Variants in TBC1D22B observed in about 807,000 individuals in gnomAD.
The protein encoded by TBC1D22B is chromosome 6 open reading frame 197.
Under a neutral mutation model 69.1 loss-of-function variants are expected in TBC1D22B, and 32 were observed. The ratio of observed to expected loss-of-function variants is 0.46; its 90% CI spans 0.35 to 0.62. The LOEUF is 0.62. TBC1D22B is among the 20% of genes least tolerant of loss of function. The pLI is 0.00. For synonymous variants in TBC1D22B, 206 were observed against 229.8 expected, an observed-to-expected ratio of 0.90 and a Z score of 0.94; for missense variants, 462 against 630.9, an observed-to-expected ratio of 0.73 and a Z score of 2.87.
chr6:37,281,445 C>A (rs1425975695), intron 3 of TBC1D22B, among the ~76,000 whole-genome samples: 1 of 152,184 alleles, frequency 6.6e-6, no homozygotes, highest in Non-Finnish European at 1.5e-5. Context: ...TTATTTCAGT[C>A]ATATCTTGGC....
intron 8 of TBC1D22B, among the ~76,000 whole-genome samples, chr6:37,303,825 C>T (rs1188693817): frequency 9.9e-5 from 15 of 152,174 alleles, no homozygotes; most frequent in Admixed American, 9.2e-4. Context: ...GTCCCCCTGA[C>T]CCCCGGCATC....
chr6:37,310,216 A>G (rs1265569747), intron 8 of TBC1D22B, among the ~76,000 whole-genome samples: 3 of 148,694 alleles, frequency 2.0e-5, no homozygotes, highest in African/African-American at 4.9e-5. Flanking sequence ...ACAAATATGT[A>G]TATATACTTA....
chr6:37,279,300 G>C lies in TBC1D22B; in HGVS notation c.114-4G>C. 6.3e-7 allele frequency: 1 copy of C among 1,589,458 alleles called. No homozygotes were observed. The highest frequency in any genetic ancestry group is 8.6e-7 in the Non-Finnish European group (1 of 1,167,684). On this transcript the variant is annotated splice_polypyrimidine_tract_variant and splice_region_variant and intron_variant, in intron 2 of 12. Transcript: ENST00000373491. ...CCTTGGTAATCGTGTCTCCTTTCTTGAAGTTTCATTAAAGAACGATCAAAA... is the reference window on the plus strand; with the variant it reads ...CCTTGGTAATCGTGTCTCCTTTCTTCAAGTTTCATTAAAGAACGATCAAAA...
intron 2 of TBC1D22B, among the ~76,000 whole-genome samples, chr6:37,275,966 C>CTTTTTTTTTTTT (rs149995165): frequency 7.5e-6 from 1 of 133,218 alleles, no homozygotes; most frequent in African/African-American, 2.8e-5. Flanking sequence ...TTCTTTTTTT[C>CTTTTTTTTTTTT]TTTTTTTTTT....
intron 8 of TBC1D22B, among the ~76,000 whole-genome samples, chr6:37,305,842 T>A (rs1326104472): frequency 1.3e-5 from 2 of 152,248 alleles, no homozygotes; most frequent in East Asian, 3.8e-4. Context: ...TTCTAAGCTT[T>A]ATCTAATTTG....
chr6:37,316,392 G>C (rs1768078458), intron 10 of TBC1D22B, among the ~76,000 whole-genome samples: 1 of 152,198 alleles, frequency 6.6e-6, no homozygotes, highest in South Asian at 2.1e-4. Context: ...TGAGTACTAA[G>C]GTTGAGCAGC....
At chr6:37,273,668 AGTTTAGTTG>A (rs1766573623) in intron 2 of TBC1D22B, among the ~76,000 whole-genome samples, 2 of 152,066 alleles carry the variant, frequency 1.3e-5, no homozygotes, top group Non-Finnish European at 2.9e-5. Context: ...GTTTGGGAGG[AGTTTAGTTG>A]TCACTGGATT....
chr6:37,291,240 T>G lies in TBC1D22B; in HGVS notation c.868-3T>G. 1 of 1,602,470 alleles carries G rather than the reference T, an allele frequency of 6.2e-7. No individual in the cohort carries two copies. Among genetic ancestry groups the G allele is most frequent in the Non-Finnish European group, 8.6e-7 (1 of 1,169,412 alleles). ...CTCGTGTCTTTCTTTCTCATTTTCC[T>G]AGATCTTTGAAAGAATTCTATTTAT... is the stretch of plus-strand genomic sequence containing the variant. On this transcript the variant is annotated splice_region_variant and splice_polypyrimidine_tract_variant and intron_variant, in intron 7 of 12. Coordinates refer to ENST00000373491, the MANE Select transcript of TBC1D22B (RefSeq NM_017772.4).
At chr6:37,262,606 C>T (rs940128759) in intron 1 of TBC1D22B, among the ~76,000 whole-genome samples, 5 of 152,208 alleles carry the variant, frequency 3.3e-5, no homozygotes, top group African/African-American at 1.2e-4. Flanking sequence ...AAAGTCACAG[C>T]CTGTCTGGGC....
At chr6:37,285,180 C>T (rs888087364) in intron 6 of TBC1D22B, among the ~76,000 whole-genome samples, 4 of 151,580 alleles carry the variant, frequency 2.6e-5, no homozygotes, top group Non-Finnish European at 1.5e-5. Context: ...CTGCTGCTGA[C>T]ACAGTCTTTT....
intron 8 of TBC1D22B, among the ~76,000 whole-genome samples, chr6:37,308,981 A>G (rs869120650): frequency 6.6e-6 from 1 of 151,610 alleles, no homozygotes; most frequent in Non-Finnish European, 1.5e-5. Flanking sequence ...AGTGGCTTAA[A>G]TAAGGTAGAA....
intron 12 of TBC1D22B, among the ~76,000 whole-genome samples, chr6:37,328,456 G>T (rs1299903825): frequency 6.6e-6 from 1 of 152,136 alleles, no homozygotes; most frequent in Non-Finnish European, 1.5e-5. Flanking sequence ...TGAAAAACCA[G>T]AAATAATTAA....
At chr6:37,303,766 C>T (rs893338786) in intron 8 of TBC1D22B, among the ~76,000 whole-genome samples, 1 of 152,194 alleles carries the variant, frequency 6.6e-6, no homozygotes, top group Non-Finnish European at 1.5e-5. Flanking sequence ...CTGAGCTAAT[C>T]TTTGTGCACC....
chr6:37,329,287 G>A (rs1482016402), intron 12 of TBC1D22B, among the ~76,000 whole-genome samples: 1 of 152,146 alleles, frequency 6.6e-6, no homozygotes. Flanking sequence ...TTTCCAAAAT[G>A]TCTTCTTTAT....
intron 2 of TBC1D22B, among the ~76,000 whole-genome samples, chr6:37,277,623 G>A (rs1259534427): frequency 6.6e-6 from 1 of 151,758 alleles, no homozygotes; most frequent in East Asian, 2.0e-4. Context: ...GCGCCACCAT[G>A]CCTGGCTAAT....
Position 37,331,383 on chromosome 6 carries a change from T to C in TBC1D22B, c.*211T>C, listed in dbSNP as rs1371134025. 1 of 529,694 alleles carries C rather than the reference T, an allele frequency of 1.9e-6. No homozygotes were observed. Among genetic ancestry groups the C allele is most frequent in the African/African-American group, 1.9e-5 (1 of 52,336 alleles). 32.8% of individuals were successfully genotyped at this position (529,694 alleles called of 1,614,324 possible). ...CTGTCAGTATTCCATGCCGCGTGGA[T>C]GGGCCCAGTTCTGGGAGAGGACAGA... is the stretch of plus-strand genomic sequence containing the variant. On this transcript the variant is annotated 3_prime_UTR_variant, in exon 13 of 13. Transcript: ENST00000373491.
At chr6:37,265,597 T>C (rs1766246271) in intron 1 of TBC1D22B, among the ~76,000 whole-genome samples, 1 of 152,032 alleles carries the variant, frequency 6.6e-6, no homozygotes, top group Admixed American at 6.6e-5. Context: ...AGCAGAACTT[T>C]CCCTTTACTC....
intron 8 of TBC1D22B, among the ~76,000 whole-genome samples, chr6:37,298,067 A>G (rs968573132): frequency 6.6e-6 from 1 of 152,140 alleles, no homozygotes; most frequent in Non-Finnish European, 1.5e-5. Flanking sequence ...CCCAGGGGAG[A>G]GATAGCATTA....
At chr6:37,274,031 T>C (rs1258617550) in intron 2 of TBC1D22B, among the ~76,000 whole-genome samples, 1 of 152,246 alleles carries the variant, frequency 6.6e-6, no homozygotes, top group Admixed American at 6.5e-5. Flanking sequence ...AGTGATACTA[T>C]TGCCTGCAGT....
Sources: allele counts gnomAD v4.1 joint callset (sites outside exome capture counted in the v4.1 genomes callset), GRCh38; gene constraint gnomAD v4.1.1; transcripts MANE v1.5; gene names NCBI Gene and HGNC (gene_info 2026-07-23, HGNC 2026-07-21).